The following KCNQ2 variants were observed in gnomAD, a reference collection of about 807,000 sequenced individuals.
KCNQ2 encodes potassium voltage-gated channel subfamily Q member 2, also known as potassium voltage-gated channel subfamily KQT member 2.
In KCNQ2, 14 loss-of-function variants were observed where a neutral mutation model predicts 84.8. The observed-to-expected ratio is 0.17, with a 90% CI of 0.11 to 0.26. KCNQ2 has a LOEUF of 0.26. Ranked by LOEUF, KCNQ2 falls within the 10% of genes least tolerant of loss-of-function variation. The pLI is 1.00. For missense variants in KCNQ2, 788 were observed against 1,254.0 expected, an observed-to-expected ratio of 0.63 and a Z score of 5.61; for synonymous variants, 599 against 554.1, an observed-to-expected ratio of 1.08 and a Z score of -1.14.
intron 4 of KCNQ2, among the ~76,000 whole-genome samples, chr20:63,442,920 CCACCAT>C (rs1568935189): frequency 6.1e-5 from 1 of 16,494 alleles, no homozygotes; most frequent in Non-Finnish European, 1.3e-4. Context: ...ATCACCATCA[CCACCAT>C]CACCATCACC....
intron 5 of KCNQ2, 81 bp downstream of exon 5, chr20:63,442,325 C>A: frequency 6.2e-7 from 1 of 1,602,940 alleles, no homozygotes; most frequent in Non-Finnish European, 8.5e-7. Context: ...GGAGCAGGCT[C>A]AGCCAGTGAG....
At chr20:63,451,242 C>G (rs542200758) in intron 1 of KCNQ2, among the ~76,000 whole-genome samples, 2 of 152,244 alleles carry the variant, frequency 1.3e-5, no homozygotes, top group Non-Finnish European at 2.9e-5. Flanking sequence ...TCCCTGGAGG[C>G]CTCTGTCTTC....
chr20:63,438,307 C>T lies in KCNQ2; in HGVS notation c.1023+318G>A. On this transcript the variant is annotated intron_variant, in intron 7 of 16. Transcript: ENST00000359125. The surrounding 1 kb of genome is among the most constrained non-coding windows in gnomAD (Gnocchi z 5.1). ...AGTGTGTGGGCTCTAGGAGCCTTGG[C>T]CCTGCAGCTGCAGAACGGGTGTGCT... 2.1e-6 allele frequency: 1 copy of T among 473,838 alleles called. No homozygotes were observed. The highest frequency in any genetic ancestry group is 3.4e-5 in the Admixed American group (1 of 29,828). The allele number at this position is 473,838 out of a possible 1,614,324, so 29.4% of individuals were successfully genotyped here.
intron 8 of KCNQ2, among the ~76,000 whole-genome samples, chr20:63,433,089 G>A (rs2080878863): frequency 6.6e-6 from 1 of 152,188 alleles, no homozygotes; most frequent in Non-Finnish European, 1.5e-5. Flanking sequence ...CCTCATCTCA[G>A]ACCTTAATTT....
At chr20:63,430,523 C>T (rs952900146) in intron 9 of KCNQ2, among the ~76,000 whole-genome samples, 3 of 152,218 alleles carry the variant, frequency 2.0e-5, no homozygotes, top group Non-Finnish European at 4.4e-5. Context: ...GCAGGAAGCC[C>T]TTCTGGTCTA....
intron 1 of KCNQ2, among the ~76,000 whole-genome samples, chr20:63,451,117 A>G (rs1045530904): frequency 1.3e-5 from 2 of 150,900 alleles, no homozygotes; most frequent in Non-Finnish European, 3.0e-5. Context: ...CAGCCTAGGC[A>G]ATAGAGCAAG....
intron 1 of KCNQ2, among the ~76,000 whole-genome samples, chr20:63,458,318 C>A (rs965439616): frequency 6.6e-6 from 1 of 152,172 alleles, no homozygotes; most frequent in Non-Finnish European, 1.5e-5. Context: ...GAAGATAGAC[C>A]CCACCCTGGC....
rs775271635 is a variant in KCNQ2, at chr20:63,407,089, C to T, written c.2174G>A (p.Arg725His). 12 of 1,533,396 alleles carry T rather than the reference C, an allele frequency of 7.8e-6. No homozygotes were observed. The highest frequency in any genetic ancestry group is 3.6e-5 in the South Asian group (3 of 84,250). 95.0% of individuals were successfully genotyped at this position (1,533,396 alleles called of 1,614,324 possible). The change falls in exon 17 of 17, where the codon CGC becomes CAC. Residue 725 changes from arginine to histidine, a missense_variant. Around this residue, in one of 8 missense-constraint regions of KCNQ2, gnomAD observed 378 missense variants for 434.5 expected, o/e 0.87. Coordinates refer to ENST00000359125, the MANE Select transcript of KCNQ2 (RefSeq NM_172107.4). The surrounding 1 kb of genome is among the most constrained non-coding windows in gnomAD (Gnocchi z 7.2). ...STSWQPQSHP[R>H]QGHGTSPVGD... ...CACGGGGGAGGTGCCGTGGCCCTGG[C>T]GCGGGTGGCTCTGTGGCTGCCAGGA...
intron 1 of KCNQ2, among the ~76,000 whole-genome samples, chr20:63,449,957 C>T (rs1240474179): frequency 2.0e-5 from 3 of 152,060 alleles, no homozygotes; most frequent in South Asian, 2.1e-4. Context: ...GAGCAGACCC[C>T]GTCCCGCACC....
intron 1 of KCNQ2, among the ~76,000 whole-genome samples, chr20:63,452,763 C>G (rs2081651298): frequency 6.6e-6 from 1 of 152,160 alleles, no homozygotes; most frequent in Non-Finnish European, 1.5e-5. Context: ...AGGTCCAGGC[C>G]ACACACCTGC....
intron 7 of KCNQ2, chr20:63,434,497 C>G (rs528808029): frequency 6.5e-6 from 1 of 152,994 alleles, no homozygotes; most frequent in Non-Finnish European, 1.5e-5. Context: ...ACTTCAGTAG[C>G]GCCTGCACAC....
chr20:63,414,316 C>T lies in KCNQ2; in HGVS notation c.1526-123G>A. The T allele has an allele frequency of 2.9e-6, 2 of 692,660 alleles. No individual in the cohort carries two copies. The highest frequency in any genetic ancestry group is 5.1e-6 in the Non-Finnish European group (2 of 392,188). The allele number at this position is 692,660 out of a possible 1,614,324, so 42.9% of individuals were successfully genotyped here. On this transcript the variant is annotated intron_variant, in intron 13 of 16. Coordinates refer to ENST00000359125, the MANE Select transcript of KCNQ2 (RefSeq NM_172107.4). This position sits in a 1 kb window ranked among gnomAD's most constrained non-coding sequence, Gnocchi z 6.6. ...CCCCTCGAGGCTCCCTGTGGTGCCC[C>T]TCGGGTGCACCTGCTTTTCTGGAAA...
chr20:63,409,263 G>A (rs1188957035), intron 15 of KCNQ2, among the ~76,000 whole-genome samples: 1 of 152,246 alleles, frequency 6.6e-6, no homozygotes, highest in Non-Finnish European at 1.5e-5. Flanking sequence ...ACAAGTTTCT[G>A]TGTGCACGCG....
At chr20:63,456,291 G>A (rs928660241) in intron 1 of KCNQ2, among the ~76,000 whole-genome samples, 1 of 152,058 alleles carries the variant, frequency 6.6e-6, no homozygotes, top group East Asian at 1.9e-4. Context: ...CCGCCACCCC[G>A]CTCCTCACTC....
At chr20:63,455,156 C>CTGGGAGGACGA (rs751566856) in intron 1 of KCNQ2, among the ~76,000 whole-genome samples, 1 of 152,130 alleles carries the variant, frequency 6.6e-6, no homozygotes, top group Admixed American at 6.5e-5. Context: ...TGGGAGGACG[C>CTGGGAGGACGA]TGGGAGGACG....
At chr20:63,413,313 C>T in intron 15 of KCNQ2, 137 bp downstream of exon 15, 2 of 922,790 alleles carry the variant, frequency 2.2e-6, no homozygotes, top group South Asian at 1.5e-5. Flanking sequence ...ACAACAGAAG[C>T]TGACAGAGGC....
intron 14 of KCNQ2, among the ~76,000 whole-genome samples, chr20:63,413,794 T>C (rs886453966): frequency 6.6e-6 from 1 of 152,158 alleles, no homozygotes; most frequent in African/African-American, 2.4e-5. Flanking sequence ...CCATGCCCCC[T>C]TGGACTCCAT....
intron 1 of KCNQ2, among the ~76,000 whole-genome samples, chr20:63,462,189 C>T (rs2081973383): frequency 1.5e-5 from 2 of 133,500 alleles, no homozygotes; most frequent in Admixed American, 7.5e-5. Flanking sequence ...AGGGAGGAGG[C>T]TGCATCTACC....
chr20:63,428,351 G>A lies in KCNQ2; in HGVS notation c.1217+16C>T. 6.4e-7 allele frequency: 1 copy of A among 1,555,290 alleles called. No individual in the cohort carries two copies. The highest frequency in any genetic ancestry group is 1.4e-5 in the African/African-American group (1 of 73,932). On this transcript the variant is annotated intron_variant, in intron 10 of 16. Transcript: ENST00000359125. ...CTGAGACGCCCACCCGCCCCACCTG[G>A]AGCTCCCCAGCTGACCTGAAAGCGA...
Sources: gnomAD v4.1 joint callset for allele counts (sites outside exome capture counted in the v4.1 genomes callset) on GRCh38, gnomAD v4.1.1 for gene constraint, gnomAD v4.1.1 regional missense constraint, Gnocchi (gnomAD v3.1) non-coding constraint, MANE v1.5 for transcripts, NCBI Gene and HGNC (gene_info 2026-07-23, HGNC 2026-07-21) for gene names.